The following UBE2E1 variants were observed in gnomAD, a reference collection of about 807,000 sequenced individuals.
UBE2E1 encodes ubiquitin conjugating enzyme E2 E1.
UBE2E1 carries 6 observed loss-of-function variants against 21.4 expected under a neutral mutation model. The observed-to-expected ratio is 0.28, with a 90% CI of 0.15 to 0.55. The LOEUF (loss-of-function observed/expected upper bound fraction) is 0.55, where lower values mean the gene tolerates loss of function less well. Ranked by LOEUF, UBE2E1 falls within the 20% of genes least tolerant of loss-of-function variation. The pLI is 0.93. For synonymous variants in UBE2E1, 87 were observed against 82.7 expected, an observed-to-expected ratio of 1.05 and a Z score of -0.28; for missense variants, 142 against 236.5, an observed-to-expected ratio of 0.60 and a Z score of 2.62.
chr3:23,845,583 C>CTGTGTGTG (rs768414328), intron 3 of UBE2E1, among the ~76,000 whole-genome samples: 622 of 48,792 alleles, frequency 0.013, 6 homozygotes, highest in African/African-American at 0.034. Context: ...CTCTCTCTCT[C>CTGTGTGTG]TCTCTCTGTG....
intron 2 of UBE2E1, among the ~76,000 whole-genome samples, chr3:23,809,650 A>T (rs1298417098): frequency 6.6e-6 from 1 of 152,212 alleles, no homozygotes; most frequent in Admixed American, 6.5e-5. Flanking sequence ...GTATTAAAGA[A>T]ACAACTACCT....
chr3:23,884,868 A>C (rs541136735), intron 3 of UBE2E1, among the ~76,000 whole-genome samples: 41 of 152,186 alleles, frequency 2.7e-4, no homozygotes, highest in Admixed American at 6.5e-5. Context: ...AGTGTTTACC[A>C]TAAACTAGAT....
intron 3 of UBE2E1, among the ~76,000 whole-genome samples, chr3:23,835,099 C>T (rs781483205): frequency 1.7e-3 from 254 of 152,252 alleles, no homozygotes; most frequent in Non-Finnish European, 3.1e-3. Flanking sequence ...CTACTTGAAG[C>T]AGTCTAGCAT....
At chr3:23,824,333 T>G (rs1699706961) in intron 3 of UBE2E1, among the ~76,000 whole-genome samples, 1 of 152,200 alleles carries the variant, frequency 6.6e-6, no homozygotes, top group African/African-American at 2.4e-5. Flanking sequence ...ATATTGATAA[T>G]GAATTTGTGA....
At chr3:23,820,214 C>T (rs1699617898) in intron 3 of UBE2E1, among the ~76,000 whole-genome samples, 1 of 152,182 alleles carries the variant, frequency 6.6e-6, no homozygotes, top group Non-Finnish European at 1.5e-5. Flanking sequence ...TGCAGCCATG[C>T]TCTAAAGTGA....
chr3:23,885,133 GT>G (rs1050524058), intron 3 of UBE2E1, among the ~76,000 whole-genome samples: 11 of 152,188 alleles, frequency 7.2e-5, no homozygotes, highest in African/African-American at 2.2e-4. Flanking sequence ...GCGTTTCTTG[GT>G]TTCCAGACAA....
rs372810647 is a variant in UBE2E1, at chr3:23,826,264, A to T, written c.203+14754A>T. Among the ~76,000 whole-genome samples, 28 of 152,356 alleles carry T rather than the reference A, an allele frequency of 1.8e-4. No individual in the cohort carries two copies. In the South Asian group the frequency reaches 5.6e-3, roughly 30 times the overall value. On this transcript the variant is annotated intron_variant, in intron 3 of 5. Coordinates refer to ENST00000306627, the MANE Select transcript of UBE2E1 (RefSeq NM_003341.5). The stretch of plus-strand genomic sequence containing the variant: ...CCAAAAATTGGTGCCTCAACCAGTG[A>T]AAGGAAGTATAGCATTACTCAGCTG...
At chr3:23,825,576 T>C (rs1699740820) in intron 3 of UBE2E1, among the ~76,000 whole-genome samples, 1 of 152,094 alleles carries the variant, frequency 6.6e-6, no homozygotes, top group African/African-American at 2.4e-5. Context: ...TAGAGTAAAA[T>C]GGCTTGGTGA....
chr3:23,885,893 A>C lies in UBE2E1; in HGVS notation c.204-1674A>C, dbSNP rs191705394. ...AAACAAAAAAAACAAAACAAACAAA[A>C]AAACTCTCTCTGTATCTAAAACAAA... On this transcript the variant is annotated intron_variant, in intron 3 of 5. Transcript: ENST00000306627. Among the ~76,000 whole-genome samples, 18 of 151,520 alleles carry C rather than the reference A, an allele frequency of 1.2e-4. No homozygotes were observed. In the East Asian group the frequency reaches 2.7e-3, roughly 23 times the overall value.
In UBE2E1 at chr3:23,810,477, T is replaced by C. The variant is rs1251632741; in HGVS notation, c.153-983T>C. The C allele has an allele frequency of 1.3e-6, 2 of 1,535,410 alleles. No individual in the cohort carries two copies. Among genetic ancestry groups the C allele is most frequent in the East Asian group, 2.4e-5 (1 of 40,846 alleles). ...CCAGTGTGAGCTAGAGAGCGGACCA[T>C]GAAGGAAGTGGGCAGACCCCGGGAA... On this transcript the variant is annotated intron_variant, in intron 2 of 5. Transcript: ENST00000306627. This position sits in a 1 kb window ranked among gnomAD's most constrained non-coding sequence, Gnocchi z 5.8.
At chr3:23,834,154 A>G (rs1183529483) in intron 3 of UBE2E1, among the ~76,000 whole-genome samples, 1 of 152,254 alleles carries the variant, frequency 6.6e-6, no homozygotes, top group Non-Finnish European at 1.5e-5. Flanking sequence ...GGCCTTTTAC[A>G]GCTCATTTGT....
chr3:23,834,515 A>G (rs1423326053), intron 3 of UBE2E1, among the ~76,000 whole-genome samples: 1 of 152,044 alleles, frequency 6.6e-6, no homozygotes, highest in Non-Finnish European at 1.5e-5. Flanking sequence ...TGCTTTTTCC[A>G]AGTTCTTTTC....
At chr3:23,848,223 C>G (rs1034549372) in intron 3 of UBE2E1, among the ~76,000 whole-genome samples, 1 of 152,192 alleles carries the variant, frequency 6.6e-6, no homozygotes, top group Non-Finnish European at 1.5e-5. Context: ...AATCACAGCA[C>G]TTTGGGAGGC....
At chr3:23,845,845 G>A (rs1161698881) in intron 3 of UBE2E1, among the ~76,000 whole-genome samples, 3 of 152,030 alleles carry the variant, frequency 2.0e-5, no homozygotes, top group Non-Finnish European at 2.9e-5. Flanking sequence ...TACGGACACC[G>A]ATTTCAATTT....
intron 3 of UBE2E1, among the ~76,000 whole-genome samples, chr3:23,864,474 T>C (rs1700613598): frequency 6.6e-6 from 1 of 152,216 alleles, no homozygotes; most frequent in African/African-American, 2.4e-5. Context: ...TTTGCAGCCT[T>C]TCTTCTACTT....
At chr3:23,883,360 A>C (rs948892686) in intron 3 of UBE2E1, among the ~76,000 whole-genome samples, 4 of 152,110 alleles carry the variant, frequency 2.6e-5, no homozygotes, top group African/African-American at 9.7e-5. Flanking sequence ...AACAGCCTCA[A>C]GTAAAGCTGA....
chr3:23,865,774 C>G (rs891899662), intron 3 of UBE2E1, among the ~76,000 whole-genome samples: 1 of 152,218 alleles, frequency 6.6e-6, no homozygotes, highest in African/African-American at 2.4e-5. Flanking sequence ...TAGCATATGA[C>G]TCTGCCGTCT....
chr3:23,823,870 C>G lies in UBE2E1; in HGVS notation c.203+12360C>G, dbSNP rs889092934. ...TTGGCCTTTTTCTGAGTAACCCTCT[C>G]TCTGGAAGTCTTCAGAATGCCTAAC... is the stretch of plus-strand genomic sequence containing the variant. On this transcript the variant is annotated intron_variant, in intron 3 of 5. Transcript: ENST00000306627. This position sits in a 1 kb window ranked among gnomAD's most constrained non-coding sequence, Gnocchi z 4.2. Among the ~76,000 whole-genome samples the G allele has an allele frequency of 1.3e-5, 2 of 152,210 alleles. 1 individual carries two copies. The highest frequency in any genetic ancestry group is 1.3e-4 in the Admixed American group (2 of 15,290).
chr3:23,822,565 A>G (rs999614023), intron 3 of UBE2E1, among the ~76,000 whole-genome samples: 2 of 152,140 alleles, frequency 1.3e-5, no homozygotes, highest in Admixed American at 6.5e-5. Context: ...TGTACCATGC[A>G]TGTTACAAGT....
Sources: allele counts gnomAD v4.1 joint callset (sites outside exome capture counted in the v4.1 genomes callset), GRCh38; gene constraint gnomAD v4.1.1; non-coding constraint Gnocchi (gnomAD v3.1); transcripts MANE v1.5; gene names NCBI Gene and HGNC (gene_info 2026-07-23, HGNC 2026-07-21).